Variants in SARNP observed in about 807,000 individuals in gnomAD.
The protein encoded by SARNP is SAP domain-containing ribonucleoprotein.
A neutral mutation model predicts 38.1 loss-of-function variants in SARNP; 5 were observed. That is an observed-to-expected ratio of 0.13 (90% CI 0.07 to 0.28). The LOEUF is 0.28. Among genes scored for constraint, SARNP ranks in the 10% least tolerant of loss-of-function variants. SARNP has a pLI of 1.00. For synonymous variants in SARNP, 84 were observed against 80.6 expected, an observed-to-expected ratio of 1.04 and a Z score of -0.23; for missense variants, 180 against 243.9, an observed-to-expected ratio of 0.74 and a Z score of 1.75.
At chr12:55,782,676 T>C (rs1308234269) in intron 9 of SARNP, among the ~76,000 whole-genome samples, 1 of 152,052 alleles carries the variant, frequency 6.6e-6, no homozygotes, top group African/African-American at 2.4e-5. Flanking sequence ...AGTCTCGAGT[T>C]CCTAGGCTCA....
downstream of SARNP, chr12:55,753,365 A>T (rs1490206436): frequency 2.0e-5 from 3 of 152,218 alleles, no homozygotes; most frequent in Non-Finnish European, 4.4e-5. Context: ...AGCATCTCAA[A>T]TATTCTTTCA....
In SARNP at chr12:55,817,715, A is replaced by T; in HGVS notation, c.-14T>A. 6.2e-7 allele frequency: 1 copy of T among 1,608,334 alleles called. No individual in the cohort carries two copies. Among genetic ancestry groups the T allele is most frequent in the South Asian group, 1.1e-5 (1 of 90,484 alleles). ...CTCGGTCGCCATCTTGTTACCCCTC[A>T]CTCCACTAGGCCCCCACCCGCGGCC... is the stretch of plus-strand genomic sequence containing the variant. On this transcript the variant is annotated 5_prime_UTR_variant, in exon 1 of 11. Transcript: ENST00000336133.
At chr12:55,763,428 C>G (rs907892381) in intron 9 of SARNP, among the ~76,000 whole-genome samples, 3 of 152,074 alleles carry the variant, frequency 2.0e-5, no homozygotes, top group East Asian at 3.9e-4. Context: ...TCTCCCGCCT[C>G]AGCCTCCTGA....
downstream of SARNP, chr12:55,756,288 T>C (rs78380841): frequency 6.6e-6 from 1 of 152,302 alleles, no homozygotes; most frequent in East Asian, 1.9e-4. Flanking sequence ...TGGGGCAAAC[T>C]TCACAACAAA....
chr12:55,816,328 T>C (rs1319896776), intron 1 of SARNP, among the ~76,000 whole-genome samples: 1 of 152,198 alleles, frequency 6.6e-6, no homozygotes, highest in Non-Finnish European at 1.5e-5. Context: ...ATAAGTACAG[T>C]ATATATAAAC....
intron 2 of SARNP, among the ~76,000 whole-genome samples, chr12:55,802,306 T>C (rs957437647): frequency 6.6e-6 from 1 of 152,020 alleles, no homozygotes; most frequent in African/African-American, 2.4e-5. Context: ...CACAGGAACA[T>C]AAGAGCATAA....
intron 1 of SARNP, 84 bp downstream of exon 1, chr12:55,817,582 G>T: frequency 7.6e-7 from 1 of 1,308,966 alleles, no homozygotes; most frequent in Non-Finnish European, 1.1e-6. Flanking sequence ...GCTGCACGGA[G>T]AAGACGTAGG....
chr12:55,796,005 C>T lies in SARNP; in HGVS notation c.303+20G>A. ...AGAGAGAAATGTAGAGACTGTTCTA[C>T]TAGGGAGCAGAATACCTACCTCAGT... On this transcript the variant is annotated intron_variant, in intron 5 of 10. Coordinates refer to ENST00000336133, the MANE Select transcript of SARNP (RefSeq NM_033082.4). 6 of 1,554,444 alleles carry T rather than the reference C, an allele frequency of 3.9e-6. No individual in the cohort carries two copies. Among genetic ancestry groups the T allele is most frequent in the Non-Finnish European group, 5.3e-6 (6 of 1,126,230 alleles).
At chr12:55,799,817 G>A (rs1163530511) in intron 4 of SARNP, among the ~76,000 whole-genome samples, 1 of 150,952 alleles carries the variant, frequency 6.6e-6, no homozygotes, top group African/African-American at 2.4e-5. Flanking sequence ...CTCCCAAAGT[G>A]CTGGGATTAC....
At chr12:55,808,450 G>C (rs1880222872) in intron 1 of SARNP, among the ~76,000 whole-genome samples, 1 of 152,068 alleles carries the variant, frequency 6.6e-6, no homozygotes, top group Non-Finnish European at 1.5e-5. Context: ...CGAGTAGCTG[G>C]GATTACACAC....
chr12:55,815,067 T>A (rs919414741), intron 1 of SARNP, among the ~76,000 whole-genome samples: 1 of 152,172 alleles, frequency 6.6e-6, no homozygotes, highest in Non-Finnish European at 1.5e-5. Context: ...ATTTTCTTTT[T>A]TTTGAGACAA....
chr12:55,790,821 T>C (rs554326671), intron 7 of SARNP, among the ~76,000 whole-genome samples: 1 of 152,298 alleles, frequency 6.6e-6, no homozygotes, highest in East Asian at 1.9e-4. Flanking sequence ...TACAGTTACA[T>C]ATGATCCCAC....
Position 55,796,908 on chromosome 12 carries a change from A to T in SARNP, c.252-832T>A, listed in dbSNP as rs1879836972. 2.0e-5 allele frequency among the ~76,000 whole-genome samples: 3 copies of T among 152,286 alleles called. No individual in the cohort carries two copies. In the South Asian group the frequency reaches 6.2e-4, roughly 32 times the overall value. On this transcript the variant is annotated intron_variant, in intron 4 of 10. Coordinates refer to ENST00000336133, the MANE Select transcript of SARNP (RefSeq NM_033082.4). ...AATGCCAAAGAAGGTAGGAAGAAAA[A>T]AGTCTAAGGGGAGTTTGAATTAGGA...
intron 1 of SARNP, among the ~76,000 whole-genome samples, chr12:55,811,322 T>C (rs1366006108): frequency 6.6e-6 from 1 of 152,056 alleles, no homozygotes; most frequent in East Asian, 1.9e-4. Context: ...TTTGGGAGGC[T>C]GAGGTGGGAG....
At chr12:55,752,735 C>CA (rs1565667232), downstream of SARNP, 3 of 151,962 alleles carry the variant, frequency 2.0e-5, no homozygotes, top group African/African-American at 7.3e-5. Context: ...GGAACCACTG[C>CA]AAAAAGGCCA....
At chr12:55,775,938 CAT>C (rs1218427360) in intron 9 of SARNP, among the ~76,000 whole-genome samples, 3 of 152,200 alleles carry the variant, frequency 2.0e-5, no homozygotes, top group Non-Finnish European at 4.4e-5. Context: ...ATTGCTCTCA[CAT>C]GAGGAGCCTT....
At chr12:55,762,305 CTTTTT>C (rs199874808) in intron 9 of SARNP, among the ~76,000 whole-genome samples, 7 of 137,292 alleles carry the variant, frequency 5.1e-5, no homozygotes, top group Non-Finnish European at 1.1e-4. Flanking sequence ...TTCAAACAAA[CTTTTT>C]TTTTTTTTTT....
At chr12:55,763,317 T>G (rs1000638783) in intron 9 of SARNP, among the ~76,000 whole-genome samples, 4 of 151,928 alleles carry the variant, frequency 2.6e-5, no homozygotes, top group African/African-American at 9.7e-5. Flanking sequence ...ACTTTTTTTT[T>G]TTTTTTTCCC....
intron 9 of SARNP, among the ~76,000 whole-genome samples, chr12:55,773,560 C>T (rs956341992): frequency 2.0e-5 from 3 of 152,148 alleles, no homozygotes; most frequent in East Asian, 1.9e-4. Flanking sequence ...ACAGAAAGAA[C>T]GTGCCAAAAC....
Sources: allele counts gnomAD v4.1 joint callset (sites outside exome capture counted in the v4.1 genomes callset), GRCh38; gene constraint gnomAD v4.1.1; transcripts MANE v1.5; gene names NCBI Gene and HGNC (gene_info 2026-07-23, HGNC 2026-07-21).